The following TPRG1 variants were observed in gnomAD, a reference collection of about 807,000 sequenced individuals.
TPRG1 encodes tumor protein p63 regulated 1.
Under a neutral mutation model 29.3 loss-of-function variants are expected in TPRG1, and 29 were observed. That is an observed-to-expected ratio of 0.99 (90% CI 0.74 to 1.35). The LOEUF is 1.35. Among genes scored for constraint, TPRG1 ranks in the 40% most tolerant of loss-of-function variants. TPRG1 has a pLI of 0.00. For missense variants in TPRG1, 327 were observed against 335.0 expected (o/e 0.98, Z 0.19); for synonymous variants, 130 against 116.8 (o/e 1.11, Z -0.73).
chr3:188,999,084 T>C (rs1231234127), intron 1 of TPRG1, among the ~76,000 whole-genome samples: 1 of 152,186 alleles, frequency 6.6e-6, no homozygotes, highest in Admixed American at 6.5e-5. Flanking sequence ...TCTTTGGCTA[T>C]TGTGTGGAAA....
chr3:189,014,373 G>A (rs919865357), intron 3 of TPRG1, among the ~76,000 whole-genome samples: 3 of 152,068 alleles, frequency 2.0e-5, no homozygotes, highest in Non-Finnish European at 2.9e-5. Context: ...CCACTGAAAG[G>A]CCTACTGTTA....
At chr3:189,306,497 A>G (rs1033441903) in intron 4 of TPRG1, among the ~76,000 whole-genome samples, 2 of 152,084 alleles carry the variant, frequency 1.3e-5, no homozygotes, top group African/African-American at 2.4e-5. Flanking sequence ...TGTGCTAGAG[A>G]TTTGCTTCTC....
intron 4 of TPRG1, among the ~76,000 whole-genome samples, chr3:189,301,384 G>A (rs1720817485): frequency 6.7e-6 from 1 of 149,514 alleles, no homozygotes; most frequent in Non-Finnish European, 1.5e-5. Flanking sequence ...AGTAGGCACT[G>A]TTAGAGGCTT....
At chr3:189,206,248 A>T (rs1392958950) in intron 1 of TPRG1, among the ~76,000 whole-genome samples, 2 of 150,130 alleles carry the variant, frequency 1.3e-5, no homozygotes, top group African/African-American at 4.9e-5. Flanking sequence ...TATATTTTGG[A>T]TATTTTTCTG....
At chr3:189,128,820 A>T (rs978861673) in intron 2 of TPRG1, among the ~76,000 whole-genome samples, 2 of 152,074 alleles carry the variant, frequency 1.3e-5, no homozygotes, top group African/African-American at 2.4e-5. Context: ...TCCAGGCTGG[A>T]GTGCAAGGGC....
chr3:189,116,299 C>T (rs545116610), intron 1 of TPRG1, among the ~76,000 whole-genome samples: 1 of 152,048 alleles, frequency 6.6e-6, no homozygotes, highest in Admixed American at 6.6e-5. Flanking sequence ...GCCTCAGCCT[C>T]CTGAGTAGCT....
At chr3:189,085,623 T>G (rs1421505782) in intron 4 of TPRG1, among the ~76,000 whole-genome samples, 1 of 152,206 alleles carries the variant, frequency 6.6e-6, no homozygotes, top group Non-Finnish European at 1.5e-5. Flanking sequence ...AACTAACTCC[T>G]CAGCCTAATC....
At chr3:189,163,644 A>G (rs949510188) in intron 5 of TPRG1, among the ~76,000 whole-genome samples, 1 of 152,218 alleles carries the variant, frequency 6.6e-6, no homozygotes, top group African/African-American at 2.4e-5. Context: ...ACGGGACTGA[A>G]GTTAAAATTA....
At chr3:189,203,972 C>G (rs973168931) in intron 1 of TPRG1, among the ~76,000 whole-genome samples, 1 of 133,640 alleles carries the variant, frequency 7.5e-6, no homozygotes, top group South Asian at 2.6e-4. Flanking sequence ...ACCCAGGAGG[C>G]GGAGAATGCA....
intron 5 of TPRG1, among the ~76,000 whole-genome samples, chr3:189,153,309 G>A (rs1483136358): frequency 6.6e-6 from 1 of 152,134 alleles, no homozygotes; most frequent in African/African-American, 2.4e-5. Context: ...AACCTGAGAA[G>A]GAATTTGGGT....
chr3:189,278,974 T>C (rs1716634382), intron 4 of TPRG1, among the ~76,000 whole-genome samples: 1 of 152,220 alleles, frequency 6.6e-6, no homozygotes, highest in Non-Finnish European at 1.5e-5. Flanking sequence ...AAATGAAACC[T>C]GTTAAAATGT....
At chr3:189,317,842 G>A (rs561020002) in intron 5 of TPRG1, among the ~76,000 whole-genome samples, 1 of 152,298 alleles carries the variant, frequency 6.6e-6, no homozygotes, top group East Asian at 1.9e-4. Context: ...ACTTGTATGT[G>A]TGTGCATATA....
At chr3:189,184,708 A>AGGC (rs1481358295) in intron 1 of TPRG1, among the ~76,000 whole-genome samples, 2 of 152,192 alleles carry the variant, frequency 1.3e-5, no homozygotes, top group African/African-American at 4.8e-5. Context: ...GTCATCATCA[A>AGGC]GGCCACGTAT....
chr3:189,055,361 T>C (rs895432876), intron 4 of TPRG1, among the ~76,000 whole-genome samples: 14 of 152,320 alleles, frequency 9.2e-5, no homozygotes, highest in African/African-American at 3.4e-4. Context: ...GAATAACTTG[T>C]AGAGTAATAG....
At chr3:189,148,516 T>G (rs747632425) in intron 4 of TPRG1, among the ~76,000 whole-genome samples, 4 of 152,154 alleles carry the variant, frequency 2.6e-5, no homozygotes, top group Admixed American at 6.6e-5. Context: ...AGGAGAAAGT[T>G]TATTTTAAAC....
At chr3:189,278,274 T>G (rs939882678) in intron 4 of TPRG1, among the ~76,000 whole-genome samples, 2 of 152,198 alleles carry the variant, frequency 1.3e-5, no homozygotes, top group East Asian at 1.9e-4. Flanking sequence ...ATCAGGTGAA[T>G]CTTCCCAAGG....
chr3:189,213,748 TCTC>T (rs1232896899), intron 2 of TPRG1, among the ~76,000 whole-genome samples: 2 of 152,128 alleles, frequency 1.3e-5, no homozygotes, highest in African/African-American at 2.4e-5. Context: ...TTTTATTCCC[TCTC>T]CTCCTTTTTA....
At chr3:189,276,778 G>C (rs1178118753) in intron 4 of TPRG1, among the ~76,000 whole-genome samples, 1 of 152,116 alleles carries the variant, frequency 6.6e-6, no homozygotes, top group East Asian at 1.9e-4. Flanking sequence ...TTGGCATTCT[G>C]CTTGGAACAT....
chr3:189,217,064 T>G (rs1736178364), intron 3 of TPRG1, among the ~76,000 whole-genome samples: 1 of 152,246 alleles, frequency 6.6e-6, no homozygotes, highest in Non-Finnish European at 1.5e-5. Flanking sequence ...TTGGTTTTAT[T>G]TATATAGAAA....
Sources: gnomAD v4.1 joint callset for allele counts (sites outside exome capture counted in the v4.1 genomes callset) on GRCh38, gnomAD v4.1.1 for gene constraint, MANE v1.5 for transcripts, NCBI Gene and HGNC (gene_info 2026-07-23, HGNC 2026-07-21) for gene names.